KIF26B: variants seen among roughly 807,000 people sequenced by gnomAD.
The protein encoded by KIF26B is kinesin family member 26B.
A neutral mutation model predicts 151.2 loss-of-function variants in KIF26B; 63 were observed. That is an observed-to-expected ratio of 0.42 (90% CI 0.34 to 0.51). KIF26B has a LOEUF of 0.51. KIF26B is among the 20% of genes least tolerant of loss of function. KIF26B has a pLI of 0.07. For synonymous variants in KIF26B, 1,357 were observed against 1,262.1 expected (o/e 1.08, Z -1.59); for missense variants, 2,813 against 2,913.6 (o/e 0.97, Z 0.79).
At chr1:245,542,030 T>G (rs901258889) in intron 5 of KIF26B, among the ~76,000 whole-genome samples, 1 of 152,196 alleles carries the variant, frequency 6.6e-6, no homozygotes. Context: ...CATGTGGTAC[T>G]TTTCCCAAGA....
chr1:245,454,090 C>T (rs1450490965), intron 4 of KIF26B, among the ~76,000 whole-genome samples: 2 of 152,092 alleles, frequency 1.3e-5, no homozygotes, highest in African/African-American at 4.8e-5. Context: ...GTGATTCAGC[C>T]CACTCAATAT....
chr1:245,676,542 G>T (rs1367646910), intron 10 of KIF26B: 2 of 152,334 alleles, frequency 1.3e-5, no homozygotes, highest in East Asian at 1.9e-4. Context: ...ACTGTTTGCT[G>T]TCTACAGCTG....
intron 3 of KIF26B, among the ~76,000 whole-genome samples, chr1:245,416,758 C>G (rs574292400): frequency 6.6e-6 from 1 of 151,976 alleles, no homozygotes; most frequent in African/African-American, 2.4e-5. Context: ...GGACCTTGCC[C>G]GAGGCTGGAG....
chr1:245,626,198 C>G (rs1321376654), intron 9 of KIF26B, among the ~76,000 whole-genome samples: 1 of 152,118 alleles, frequency 6.6e-6, no homozygotes, highest in African/African-American at 2.4e-5. Flanking sequence ...TATAGGGGTA[C>G]AGGTATCCCT....
At chr1:245,504,236 T>C (rs1189039241) in intron 4 of KIF26B, among the ~76,000 whole-genome samples, 1 of 152,014 alleles carries the variant, frequency 6.6e-6, no homozygotes, top group Non-Finnish European at 1.5e-5. Context: ...GGCTCCATTC[T>C]AGAGCTTCTC....
chr1:245,307,408 ATT>A (rs34512253), intron 2 of KIF26B, among the ~76,000 whole-genome samples: 2 of 151,674 alleles, frequency 1.3e-5, no homozygotes, highest in South Asian at 4.2e-4. Context: ...GGCCCCAGAG[ATT>A]TTTTTTTGTC....
chr1:245,652,991 T>G (rs2044036579), intron 10 of KIF26B, among the ~76,000 whole-genome samples: 1 of 152,240 alleles, frequency 6.6e-6, no homozygotes, highest in Non-Finnish European at 1.5e-5. Context: ...CTGGGGTTAC[T>G]ATTAAAGTCT....
At chr1:245,446,506 C>T (rs1348457971) in intron 4 of KIF26B, among the ~76,000 whole-genome samples, 1 of 152,110 alleles carries the variant, frequency 6.6e-6, no homozygotes, top group Non-Finnish European at 1.5e-5. Context: ...TAGGTGACTG[C>T]TCTACAATAG....
intron 9 of KIF26B, among the ~76,000 whole-genome samples, chr1:245,645,431 T>C (rs79676697): frequency 0.012 from 1,840 of 152,342 alleles, 33 homozygotes; most frequent in African/African-American, 0.042. Flanking sequence ...TTGGTCTCCC[T>C]GTACTTCAGC....
chr1:245,701,540 CAGAA>C (rs1466214555), intron 14 of KIF26B, among the ~76,000 whole-genome samples: 1 of 152,198 alleles, frequency 6.6e-6, no homozygotes, highest in Admixed American at 6.5e-5. Flanking sequence ...ACCTCATCTG[CAGAA>C]AGAAGACACT....
chr1:245,469,653 G>A (rs1200816414), intron 4 of KIF26B, among the ~76,000 whole-genome samples: 2 of 152,158 alleles, frequency 1.3e-5, no homozygotes, highest in African/African-American at 2.4e-5. Context: ...GCCTCTTCAA[G>A]TGGCTTTTGT....
intron 2 of KIF26B, among the ~76,000 whole-genome samples, chr1:245,364,824 CCAAA>C (rs1348844960): frequency 2.0e-5 from 3 of 151,968 alleles, no homozygotes; most frequent in South Asian, 2.1e-4. Context: ...CTTTTTGAAG[CCAAA>C]CAGTTTGGTG....
chr1:245,228,434 C>T (rs550477241), intron 2 of KIF26B, among the ~76,000 whole-genome samples: 13 of 152,108 alleles, frequency 8.5e-5, no homozygotes, highest in Admixed American at 8.5e-4. Context: ...GGCCTGGAGG[C>T]GCATGCCTGT....
intron 10 of KIF26B, among the ~76,000 whole-genome samples, chr1:245,682,912 C>T (rs2044458124): frequency 6.6e-6 from 1 of 152,156 alleles, no homozygotes; most frequent in Non-Finnish European, 1.5e-5. Flanking sequence ...ACAGCTCCTC[C>T]TCCTCCTCCT....
intron 2 of KIF26B, among the ~76,000 whole-genome samples, chr1:245,165,596 C>T (rs946687439): frequency 1.3e-5 from 2 of 152,000 alleles, no homozygotes; most frequent in African/African-American, 2.4e-5. Context: ...TGGGGTGAGA[C>T]GACAGACAGC....
chr1:245,580,099 A>G (rs553193764), intron 5 of KIF26B, among the ~76,000 whole-genome samples: 2 of 152,288 alleles, frequency 1.3e-5, no homozygotes, highest in African/African-American at 4.8e-5. Context: ...TGTCATTACC[A>G]TAATGCTCTG....
intron 10 of KIF26B, 68 bp from the exon 11 acceptor site, chr1:245,684,165 G>A (rs2044475951): frequency 6.5e-6 from 10 of 1,544,416 alleles, no homozygotes; most frequent in Non-Finnish European, 8.8e-6. Context: ...GTGCAGGCCT[G>A]AAGCCCTGCC....
intron 4 of KIF26B, among the ~76,000 whole-genome samples, chr1:245,521,928 GGT>G (rs1376514437): frequency 1.3e-5 from 2 of 151,322 alleles, no homozygotes; most frequent in Admixed American, 6.6e-5. Flanking sequence ...GGAGTGCAGT[GGT>G]GCGATCTCGG....
intron 10 of KIF26B, among the ~76,000 whole-genome samples, chr1:245,649,690 CA>C (rs1043133221): frequency 4.1e-4 from 63 of 151,862 alleles, no homozygotes; most frequent in South Asian, 1.0e-3. Flanking sequence ...CCACCCCCCC[CA>C]AAAAACACAG....
Sources: allele counts gnomAD v4.1 joint callset (sites outside exome capture counted in the v4.1 genomes callset), GRCh38; gene constraint gnomAD v4.1.1; transcripts MANE v1.5; gene names NCBI Gene and HGNC (gene_info 2026-07-23, HGNC 2026-07-21).